The following GRID2 variants were observed in gnomAD, a reference collection of about 807,000 sequenced individuals.
GRID2 encodes the protein glutamate ionotropic receptor delta type subunit 2, also known as glutamate receptor ionotropic, delta-2.
In GRID2, 33 loss-of-function variants were observed where a neutral mutation model predicts 114.8. The ratio of observed to expected loss-of-function variants is 0.29; its 90% CI spans 0.22 to 0.38. The LOEUF is 0.38. Among genes scored for constraint, GRID2 ranks in the 10% least tolerant of loss-of-function variants. The probability of loss-of-function intolerance (pLI) is 1.00; values close to 1 mark genes in which losing one functional copy is unlikely to be tolerated. For synonymous variants in GRID2, 505 were observed against 449.9 expected (o/e 1.12, Z -1.55); for missense variants, 1,184 against 1,257.7 (o/e 0.94, Z 0.89).
At chr4:92,311,247 C>T (rs561869580) in intron 1 of GRID2, among the ~76,000 whole-genome samples, 1 of 152,134 alleles carries the variant, frequency 6.6e-6, no homozygotes, top group South Asian at 2.1e-4. Flanking sequence ...TGCTTTATAT[C>T]ACTACAAACA....
At chr4:92,553,710 G>A (rs1330791823) in intron 1 of GRID2, among the ~76,000 whole-genome samples, 1 of 151,926 alleles carries the variant, frequency 6.6e-6, no homozygotes, top group Admixed American at 6.6e-5. Flanking sequence ...GGAGTGCAGT[G>A]GTGCAATCTC....
At chr4:93,652,015 C>T (rs183608200) in intron 14 of GRID2, among the ~76,000 whole-genome samples, 51 of 152,214 alleles carry the variant, frequency 3.4e-4, no homozygotes, top group Admixed American at 9.8e-4. Flanking sequence ...GGAATTGATA[C>T]TGGAAAGATT....
intron 14 of GRID2, among the ~76,000 whole-genome samples, chr4:93,628,786 A>G (rs1214315528): frequency 1.5e-5 from 2 of 135,662 alleles, no homozygotes; most frequent in Non-Finnish European, 3.1e-5. Context: ...TTTTTTTGAG[A>G]CATTGTTTCG....
At chr4:93,512,995 A>T (rs1469079253) in intron 12 of GRID2, among the ~76,000 whole-genome samples, 1 of 152,148 alleles carries the variant, frequency 6.6e-6, no homozygotes, top group Non-Finnish European at 1.5e-5. Flanking sequence ...AAATGAAGGC[A>T]CTGAAAAAAA....
chr4:93,163,395 TATATAC>T (rs1400004846), intron 4 of GRID2, among the ~76,000 whole-genome samples: 16 of 41,310 alleles, frequency 3.9e-4, no homozygotes, highest in African/African-American at 1.3e-3. Context: ...TATATATATA[TATATAC>T]ACTATATATA....
At chr4:93,672,192 A>G (rs1724482595) in intron 14 of GRID2, among the ~76,000 whole-genome samples, 1 of 151,992 alleles carries the variant, frequency 6.6e-6, no homozygotes, top group Admixed American at 6.6e-5. Flanking sequence ...AGGTGTCCAG[A>G]CCCCATAATT....
At chr4:92,820,026 GAC>G (rs1485225314) in intron 2 of GRID2, among the ~76,000 whole-genome samples, 6 of 152,114 alleles carry the variant, frequency 3.9e-5, no homozygotes, top group Admixed American at 3.9e-4. Context: ...ATTTTTGAAA[GAC>G]ACTGTCTTGA....
rs1298245675 is a variant in GRID2 at position 93,706,959 on chromosome 4, TATC to T, written c.2361-62248_2361-62246del. Among the ~76,000 whole-genome samples the T allele has an allele frequency of 7.9e-5, 12 of 152,278 alleles. No individual in the cohort carries two copies. In the East Asian group the frequency reaches 2.3e-3, roughly 29 times the overall value. On this transcript the variant is annotated intron_variant, in intron 14 of 15. Coordinates refer to ENST00000282020, the MANE Select transcript of GRID2 (RefSeq NM_001510.4). ...AATGCCTTTTTATCATCAATTGAAA[TATC>T]ATATGATTTTTCTCCTTCGTTCTGT...
chr4:92,984,374 G>A (rs898894573), intron 2 of GRID2, among the ~76,000 whole-genome samples: 1 of 152,216 alleles, frequency 6.6e-6, no homozygotes. Context: ...AGTTGGAACA[G>A]CTTATATCAT....
chr4:92,748,921 C>T (rs1366842935), intron 2 of GRID2, among the ~76,000 whole-genome samples: 1 of 151,876 alleles, frequency 6.6e-6, no homozygotes, highest in Non-Finnish European at 1.5e-5. Context: ...ACCGCAGCCT[C>T]CCACAGTGAG....
At chr4:93,627,967 A>C (rs1388690828) in intron 14 of GRID2, among the ~76,000 whole-genome samples, 2 of 152,176 alleles carry the variant, frequency 1.3e-5, no homozygotes, top group African/African-American at 4.8e-5. Flanking sequence ...TGAGGCCAGG[A>C]GTTTGAGACC....
At chr4:93,390,692 A>G (rs1764767108) in intron 8 of GRID2, among the ~76,000 whole-genome samples, 1 of 152,198 alleles carries the variant, frequency 6.6e-6, no homozygotes, top group Non-Finnish European at 1.5e-5. Flanking sequence ...ACCTATAAAA[A>G]TAGGATATCA....
chr4:92,676,889 T>A (rs1468924354), intron 2 of GRID2, among the ~76,000 whole-genome samples: 1 of 152,148 alleles, frequency 6.6e-6, no homozygotes, highest in Non-Finnish European at 1.5e-5. Flanking sequence ...AATCAGCAGA[T>A]GACTGGACAA....
intron 3 of GRID2, among the ~76,000 whole-genome samples, chr4:93,094,049 G>A (rs1730999925): frequency 6.6e-6 from 1 of 151,852 alleles, no homozygotes; most frequent in Admixed American, 6.6e-5. Flanking sequence ...ATAGTTGAAG[G>A]AATATCTCTG....
chr4:92,995,348 G>A lies in GRID2; in HGVS notation c.245-89647G>A, dbSNP rs1013785030. Reference sequence around the variant, plus strand: ...TGGCATTGTGGGAAGATGGAGTGAGGAGGGAGAAAACTCAAATTATATTGC... The same window carrying A: ...TGGCATTGTGGGAAGATGGAGTGAGAAGGGAGAAAACTCAAATTATATTGC... On this transcript the variant is annotated intron_variant, in intron 2 of 15. Coordinates refer to ENST00000282020, the MANE Select transcript of GRID2 (RefSeq NM_001510.4). Among the ~76,000 whole-genome samples, 3 of 152,130 alleles carry A rather than the reference G, an allele frequency of 2.0e-5. No individual in the cohort carries two copies. The East Asian group carries it at 5.8e-4, about 29-fold the overall frequency.
At chr4:93,566,788 C>CA (rs200180299) in intron 13 of GRID2, among the ~76,000 whole-genome samples, 2,238 of 144,292 alleles carry the variant, frequency 0.016, 45 homozygotes, top group African/African-American at 0.05. Flanking sequence ...AAACAAATGT[C>CA]AAAAAAAAAA....
intron 2 of GRID2, among the ~76,000 whole-genome samples, chr4:92,699,621 G>A (rs549820155): frequency 7.2e-5 from 11 of 152,110 alleles, no homozygotes; most frequent in South Asian, 4.1e-4. Flanking sequence ...AATAATTTTC[G>A]TTGCTGTTGT....
chr4:93,803,876 A>T (rs1453260400), intron 1 of GRID2, among the ~76,000 whole-genome samples: 3 of 152,248 alleles, frequency 2.0e-5, no homozygotes, highest in Non-Finnish European at 4.4e-5. Context: ...CAGACAAAAG[A>T]CTTTCCTAAA....
intron 2 of GRID2, among the ~76,000 whole-genome samples, chr4:92,955,363 C>T (rs1045767925): frequency 1.3e-5 from 2 of 152,104 alleles, no homozygotes. Context: ...TCTCTGATGG[C>T]CAGTGATGAT....
Sources: gnomAD v4.1 joint callset for allele counts (sites outside exome capture counted in the v4.1 genomes callset) on GRCh38, gnomAD v4.1.1 for gene constraint, MANE v1.5 for transcripts, NCBI Gene and HGNC (gene_info 2026-07-23, HGNC 2026-07-21) for gene names.